Variants in AGMO observed in about 807,000 individuals in gnomAD.
AGMO encodes the protein glyceryl-ether monooxygenase.
A neutral mutation model predicts 60.2 loss-of-function variants in AGMO; 75 were observed. The ratio of observed to expected loss-of-function variants is 1.25; its 90% CI spans 1.03 to 1.51. The LOEUF is 1.51. AGMO is among the 40% of genes most tolerant of loss of function. The pLI is 0.00. For synonymous variants in AGMO, 261 were observed against 177.1 expected, an observed-to-expected ratio of 1.47 and a Z score of -3.76; for missense variants, 763 against 525.5, an observed-to-expected ratio of 1.45 and a Z score of -4.42.
chr7:15,166,381 C>G, the AGMO span, among the ~76,000 whole-genome samples: 1 of 152,100 alleles, frequency 6.6e-6, no homozygotes, highest in Non-Finnish European at 1.5e-5. Flanking sequence ...ATTCAAAGGA[C>G]AGCAAATATG....
chr7:15,195,706 T>C (rs1781100932), downstream of AGMO, among the ~76,000 whole-genome samples: 1 of 152,150 alleles, frequency 6.6e-6, no homozygotes, highest in African/African-American at 2.4e-5. Context: ...GCAGCTTGAT[T>C]TTACAGACTG....
chr7:15,441,517 C>T (rs1781553509), intron 3 of AGMO, among the ~76,000 whole-genome samples: 1 of 152,086 alleles, frequency 6.6e-6, no homozygotes, highest in African/African-American at 2.4e-5. Context: ...AGCAAGAAAT[C>T]TTCCAAAGTA....
At chr7:15,271,022 G>T (rs1783588718) in intron 12 of AGMO, among the ~76,000 whole-genome samples, 1 of 151,852 alleles carries the variant, frequency 6.6e-6, no homozygotes, top group African/African-American at 2.4e-5. Flanking sequence ...ATTGATCTAT[G>T]TTTCTATTTT....
chr7:15,389,509 G>C (rs544932129), intron 8 of AGMO, among the ~76,000 whole-genome samples: 1 of 152,276 alleles, frequency 6.6e-6, no homozygotes, highest in African/African-American at 2.4e-5. Context: ...ATGCCATATA[G>C]TTGAGAAGAA....
At chr7:15,401,153 T>C (rs1179330623) in intron 5 of AGMO, among the ~76,000 whole-genome samples, 2 of 152,170 alleles carry the variant, frequency 1.3e-5, no homozygotes, top group Admixed American at 6.6e-5. Context: ...ACCTAAAAAA[T>C]GTAATTCTGT....
intron 2 of AGMO, among the ~76,000 whole-genome samples, chr7:15,554,646 A>G (rs574078913): frequency 6.6e-6 from 1 of 152,208 alleles, no homozygotes; most frequent in African/African-American, 2.4e-5. Context: ...ATCACTAGAA[A>G]TTTGTCAATG....
chr7:15,369,876 T>C (rs556542837), intron 10 of AGMO, among the ~76,000 whole-genome samples: 1 of 152,298 alleles, frequency 6.6e-6, no homozygotes, highest in African/African-American at 2.4e-5. Context: ...TAATATGTTA[T>C]TTTGGGAAAA....
chr7:15,351,394 A>G (rs1782238679), intron 12 of AGMO, among the ~76,000 whole-genome samples: 1 of 152,192 alleles, frequency 6.6e-6, no homozygotes, highest in Non-Finnish European at 1.5e-5. Flanking sequence ...TAGTTCAGGA[A>G]GCTAAACCCC....
intron 12 of AGMO, among the ~76,000 whole-genome samples, chr7:15,219,549 A>C (rs914203271): frequency 3.9e-5 from 6 of 152,172 alleles, no homozygotes; most frequent in African/African-American, 1.4e-4. Flanking sequence ...CCTGAGAAGC[A>C]CAAGTAAAGA....
chr7:15,362,879 T>C (rs1005241163), intron 12 of AGMO, among the ~76,000 whole-genome samples: 1 of 152,244 alleles, frequency 6.6e-6, no homozygotes, highest in Admixed American at 6.5e-5. Flanking sequence ...ATGAGTATTA[T>C]CATCATTACA....
chr7:15,148,380 T>C, the AGMO span, among the ~76,000 whole-genome samples: 2 of 152,168 alleles, frequency 1.3e-5, no homozygotes, highest in Non-Finnish European at 1.5e-5. Context: ...GTTTGCTACA[T>C]GGGTAAATTG....
At chr7:15,376,587 C>T (rs75705184) in intron 10 of AGMO, among the ~76,000 whole-genome samples, 7,669 of 152,128 alleles carry the variant, frequency 0.05, 263 homozygotes, top group Non-Finnish European at 0.078. Flanking sequence ...AATGTATCTG[C>T]AGTAACTTTA....
intron 3 of AGMO, among the ~76,000 whole-genome samples, chr7:15,517,983 G>A (rs1179527359): frequency 1.3e-5 from 2 of 152,080 alleles, no homozygotes; most frequent in African/African-American, 2.4e-5. Flanking sequence ...GAGCTTGGTT[G>A]GGGGAGGGGC....
chr7:15,338,611 TTAAGAC>T (rs1781736934), intron 12 of AGMO, among the ~76,000 whole-genome samples: 2 of 152,198 alleles, frequency 1.3e-5, no homozygotes, highest in South Asian at 4.2e-4. Context: ...TGAAACAACT[TTAAGAC>T]TAATAAAATA....
intron 3 of AGMO, among the ~76,000 whole-genome samples, chr7:15,486,821 A>T (rs1782935145): frequency 6.6e-6 from 1 of 152,358 alleles, no homozygotes; most frequent in South Asian, 2.1e-4. Context: ...CTGCTAAAAA[A>T]TAGACAAAAT....
At chr7:15,373,138 G>A (rs1036355759) in intron 10 of AGMO, among the ~76,000 whole-genome samples, 3 of 151,966 alleles carry the variant, frequency 2.0e-5, no homozygotes, top group Admixed American at 6.6e-5. Flanking sequence ...ATCTGGGCAT[G>A]GTGGCGGTAC....
At chr7:15,308,601 CT>C in intron 12 of AGMO, among the ~76,000 whole-genome samples, 1 of 152,148 alleles carries the variant, frequency 6.6e-6, no homozygotes, top group Non-Finnish European at 1.5e-5. Context: ...AGATTTATGC[CT>C]TTAAATTATT....
intron 3 of AGMO, among the ~76,000 whole-genome samples, chr7:15,539,342 G>T (rs1784560695): frequency 1.3e-5 from 2 of 152,054 alleles, no homozygotes; most frequent in Admixed American, 1.3e-4. Flanking sequence ...TCCTCTCCTA[G>T]CATCCATGTG....
chr7:15,339,821 C>T (rs1781780406), intron 12 of AGMO, among the ~76,000 whole-genome samples: 1 of 152,150 alleles, frequency 6.6e-6, no homozygotes, highest in Admixed American at 6.5e-5. Flanking sequence ...CATGATATTT[C>T]TAAAAGCAAT....
Sources: allele counts gnomAD v4.1 joint callset (sites outside exome capture counted in the v4.1 genomes callset), GRCh38; gene constraint gnomAD v4.1.1; transcripts MANE v1.5; gene names NCBI Gene and HGNC (gene_info 2026-07-23, HGNC 2026-07-21).